ABTB2: variants seen among roughly 807,000 people sequenced by gnomAD.
ABTB2 encodes the protein ankyrin repeat and BTB domain containing 2.
ABTB2 carries 56 observed loss-of-function variants against 104.1 expected under a neutral mutation model. That is an observed-to-expected ratio of 0.54 (90% CI 0.43 to 0.67). The LOEUF is 0.67. Among genes scored for constraint, ABTB2 ranks in the 30% least tolerant of loss-of-function variants. ABTB2 has a pLI of 0.00. For synonymous variants in ABTB2, 606 were observed against 608.2 expected, an observed-to-expected ratio of 1.00 and a Z score of 0.05; for missense variants, 1,279 against 1,407.7, an observed-to-expected ratio of 0.91 and a Z score of 1.46.
intron 1 of ABTB2, among the ~76,000 whole-genome samples, chr11:34,354,301 G>C (rs897701979): frequency 7.2e-5 from 11 of 152,116 alleles, no homozygotes; most frequent in African/African-American, 2.2e-4. Flanking sequence ...GTTTGGAAAG[G>C]GGGGGCAAGG....
intron 14 of ABTB2, among the ~76,000 whole-genome samples, chr11:34,155,200 C>T (rs1046905203): frequency 2.0e-5 from 3 of 152,256 alleles, no homozygotes; most frequent in Non-Finnish European, 4.4e-5. Context: ...AAATTCTACA[C>T]AGGGAGTAGC....
intron 1 of ABTB2, among the ~76,000 whole-genome samples, chr11:34,261,138 C>G (rs910164124): frequency 5.3e-5 from 8 of 151,896 alleles, no homozygotes; most frequent in Non-Finnish European, 8.8e-5. Context: ...CTGCCCCCCC[C>G]AAAAAAAGAC....
intron 2 of ABTB2, among the ~76,000 whole-genome samples, chr11:34,200,477 G>C (rs1046040429): frequency 6.6e-6 from 1 of 152,188 alleles, no homozygotes; most frequent in East Asian, 1.9e-4. Context: ...GCTATGGTCA[G>C]TTTCTCTCAG....
chr11:34,267,426 C>T (rs984342018), intron 1 of ABTB2, among the ~76,000 whole-genome samples: 1 of 152,228 alleles, frequency 6.6e-6, no homozygotes, highest in Non-Finnish European at 1.5e-5. Flanking sequence ...CTCCCTGCCC[C>T]CATCCCACAT....
At chr11:34,308,320 T>C (rs990111955) in intron 1 of ABTB2, among the ~76,000 whole-genome samples, 1 of 152,226 alleles carries the variant, frequency 6.6e-6, no homozygotes, top group Admixed American at 6.5e-5. Flanking sequence ...AGATGGCTGA[T>C]TTTATTTCTC....
At chr11:34,234,135 G>C (rs914020666) in intron 1 of ABTB2, among the ~76,000 whole-genome samples, 1 of 152,156 alleles carries the variant, frequency 6.6e-6, no homozygotes, top group Non-Finnish European at 1.5e-5. Context: ...CAGTTAGGGG[G>C]TTTCCCTTCT....
At chr11:34,185,605 G>C (rs1214805183) in intron 3 of ABTB2, among the ~76,000 whole-genome samples, 1 of 152,150 alleles carries the variant, frequency 6.6e-6, no homozygotes, top group East Asian at 1.9e-4. Context: ...ACATGTCCAA[G>C]GTGACATAGC....
chr11:34,166,931 G>A (rs1426643973), intron 7 of ABTB2, among the ~76,000 whole-genome samples: 6 of 152,264 alleles, frequency 3.9e-5, no homozygotes, highest in Non-Finnish European at 8.8e-5. Context: ...AAAGGCGGCT[G>A]TAGGCGAGAA....
chr11:34,249,674 T>C (rs1854031545), intron 1 of ABTB2, among the ~76,000 whole-genome samples: 1 of 152,240 alleles, frequency 6.6e-6, no homozygotes. Flanking sequence ...TGTTAGAGTC[T>C]TGCTCTGTTG....
chr11:34,155,851 G>A lies in ABTB2; in HGVS notation c.2698-1082C>T, dbSNP rs139542154. Among the ~76,000 whole-genome samples the A allele has an allele frequency of 5.9e-5, 9 of 152,366 alleles. No homozygotes were observed. In the East Asian group the frequency reaches 9.6e-4, roughly 16 times the overall value. ...GCTCATGATTGCACAGTAAGTGTCC[G>A]TCTGCTCCCTCCAGATAGTGTGTGC... On this transcript the variant is annotated intron_variant, in intron 14 of 16. Coordinates refer to ENST00000435224, the MANE Select transcript of ABTB2 (RefSeq NM_145804.3).
chr11:34,157,345 C>A (rs1250325655), intron 14 of ABTB2, among the ~76,000 whole-genome samples: 1 of 152,214 alleles, frequency 6.6e-6, no homozygotes, highest in Non-Finnish European at 1.5e-5. Flanking sequence ...GACCTGAAGC[C>A]TGTCCCCTAT....
rs773678524 is a variant in ABTB2, at chr11:34,197,403, T to C, written c.1166A>G (p.Tyr389Cys). Residue 389 changes from tyrosine to cysteine, a missense_variant, in exon 3 of 17, where the codon TAC becomes TGC. Physicochemically the swap from Tyr to Cys is radical, Grantham distance 194. Coordinates refer to ENST00000435224, the MANE Select transcript of ABTB2 (RefSeq NM_145804.3). The stretch of plus-strand genomic sequence containing the variant: ...CTCCATCTGTGGACACCGCAGAAAG[T>C]AGTAGAGCGTGTGGAGGGCGTCGGG... Reference protein sequence around the residue: ...WSPDALHTLYYFLRCPQMESM... With the variant: ...WSPDALHTLYCFLRCPQMESM... The C allele has an allele frequency of 3.7e-6, 6 of 1,612,242 alleles. No individual in the cohort carries two copies. The highest frequency in any genetic ancestry group is 3.3e-5 in the Admixed American group (2 of 59,858).
chr11:34,279,784 C>G (rs1013333948), intron 1 of ABTB2, among the ~76,000 whole-genome samples: 13 of 132,500 alleles, frequency 9.8e-5, no homozygotes, highest in Non-Finnish European at 1.9e-4. Context: ...TTTCTTTCTT[C>G]TTCTTTTTTT....
intron 1 of ABTB2, among the ~76,000 whole-genome samples, chr11:34,211,173 ATTACAGCT>A (rs1853476244): frequency 6.6e-6 from 1 of 152,130 alleles, no homozygotes; most frequent in Non-Finnish European, 1.5e-5. Context: ...CAGTAATGGG[ATTACAGCT>A]CACTACAGCT....
In ABTB2 at chr11:34,152,022, A is replaced by C. The variant is rs1400314763; in HGVS notation, c.*365T>G. On this transcript the variant is annotated 3_prime_UTR_variant, in exon 17 of 17. Transcript: ENST00000435224. ...GCCCCAGTTGGGATGGTCTGAGTTT[A>C]CTGAGGCCCTAGGGGTGAGTAGAGC... 1 of 267,296 alleles carries C rather than the reference A, an allele frequency of 3.7e-6. No homozygotes were observed. Among genetic ancestry groups the C allele is most frequent in the East Asian group, 9.2e-5 (1 of 10,872 alleles). The allele number at this position is 267,296 out of a possible 1,614,324, so 16.6% of individuals were successfully genotyped here. A position where few individuals can be genotyped will look rare whatever the true frequency, so the allele number is the denominator to read the frequency against.
intron 1 of ABTB2, among the ~76,000 whole-genome samples, chr11:34,351,069 C>T (rs1466987555): frequency 6.6e-6 from 1 of 152,166 alleles, no homozygotes; most frequent in Non-Finnish European, 1.5e-5. Context: ...ACTGACCTGT[C>T]GGACAAAGGA....
chr11:34,159,493 T>A (rs1383445265), intron 13 of ABTB2, 107 bp from the exon 14 acceptor site: 1 of 755,156 alleles, frequency 1.3e-6, no homozygotes, highest in South Asian at 1.5e-5. Context: ...ACGGAACATT[T>A]TAAAAATTAC....
intron 1 of ABTB2, among the ~76,000 whole-genome samples, chr11:34,232,623 C>A (rs569415805): frequency 6.6e-6 from 1 of 152,180 alleles, no homozygotes; most frequent in Admixed American, 6.5e-5. Context: ...AGTATCTACT[C>A]ATTTACATAT....
At chr11:34,299,379 C>G (rs1245318942) in intron 1 of ABTB2, among the ~76,000 whole-genome samples, 3 of 152,144 alleles carry the variant, frequency 2.0e-5, no homozygotes, top group Non-Finnish European at 4.4e-5. Flanking sequence ...ATCATTTAAG[C>G]AAGACGTTCC....
Sources: allele counts gnomAD v4.1 joint callset (sites outside exome capture counted in the v4.1 genomes callset), GRCh38; gene constraint gnomAD v4.1.1; transcripts MANE v1.5; gene names NCBI Gene and HGNC (gene_info 2026-07-23, HGNC 2026-07-21).